Variants in CTNNA3 observed in about 807,000 individuals in gnomAD.
CTNNA3 encodes catenin alpha 3, also known as catenin alpha-3.
In CTNNA3, 76 loss-of-function variants were observed where a neutral mutation model predicts 95.7. The ratio of observed to expected loss-of-function variants is 0.79; its 90% CI spans 0.66 to 0.96. CTNNA3 has a LOEUF of 0.96. Ranked by LOEUF, CTNNA3 falls within the 40% of genes least tolerant of loss-of-function variation. The pLI, the probability that CTNNA3 is intolerant of heterozygous loss-of-function variation, is 0.00. For synonymous variants in CTNNA3, 431 were observed against 374.4 expected, an observed-to-expected ratio of 1.15 and a Z score of -1.74; for missense variants, 1,191 against 1,089.8, an observed-to-expected ratio of 1.09 and a Z score of -1.31.
chr10:67,735,131 A>G (rs1002818218), intron 1 of CTNNA3, among the ~76,000 whole-genome samples: 4 of 115,994 alleles, frequency 3.4e-5, no homozygotes, highest in East Asian at 3.2e-4. Context: ...AAGTGAGCAC[A>G]CACACACACA....
chr10:66,359,927 A>G (rs2092640531), intron 12 of CTNNA3, among the ~76,000 whole-genome samples: 2 of 151,622 alleles, frequency 1.3e-5, no homozygotes, highest in South Asian at 4.2e-4. Context: ...CCCAAGTTCA[A>G]GCTATTCTCC....
chr10:66,008,347 A>C (rs2133384623), intron 15 of CTNNA3, among the ~76,000 whole-genome samples: 1 of 152,354 alleles, frequency 6.6e-6, no homozygotes, highest in East Asian at 1.9e-4. Flanking sequence ...TTTGCCACTT[A>C]ATTGGAAAAA....
At chr10:66,809,757 T>A (rs913094818) in intron 7 of CTNNA3, among the ~76,000 whole-genome samples, 10 of 152,090 alleles carry the variant, frequency 6.6e-5, no homozygotes, top group Non-Finnish European at 1.2e-4. Context: ...TTTAGGAAAA[T>A]GTTTTCTATT....
chr10:67,343,266 A>G (rs1023287683), intron 5 of CTNNA3, among the ~76,000 whole-genome samples: 3 of 152,092 alleles, frequency 2.0e-5, no homozygotes, highest in African/African-American at 7.2e-5. Flanking sequence ...AAATTTTAGG[A>G]TAGTTTTTTT....
chr10:66,838,878 A>G (rs778242632), intron 7 of CTNNA3, among the ~76,000 whole-genome samples: 18 of 152,190 alleles, frequency 1.2e-4, no homozygotes, highest in Non-Finnish European at 2.2e-4. Context: ...TCACTGAACT[A>G]TTTCAGGCTG....
intron 5 of CTNNA3, among the ~76,000 whole-genome samples, chr10:67,356,765 C>A (rs1842824411): frequency 1.3e-5 from 2 of 152,066 alleles, no homozygotes; most frequent in African/African-American, 4.8e-5. Context: ...ATTCCATGGT[C>A]CATCATTACA....
At chr10:66,939,110 C>G (rs1339726173) in intron 7 of CTNNA3, among the ~76,000 whole-genome samples, 4 of 152,120 alleles carry the variant, frequency 2.6e-5, no homozygotes, top group Non-Finnish European at 5.9e-5. Flanking sequence ...TTACGCGTTT[C>G]CAAAGTAACT....
At chr10:66,147,608 G>GTTTTTTTTTTTTTTTT (rs34193216) in intron 13 of CTNNA3, among the ~76,000 whole-genome samples, 2 of 105,766 alleles carry the variant, frequency 1.9e-5, no homozygotes, top group African/African-American at 3.5e-5. Context: ...GTTGCTTTCA[G>GTTTTTTTTTTTTTTTT]TTTTTTTTTT....
chr10:67,074,236 T>TGGCCA (rs1407607741), intron 7 of CTNNA3, among the ~76,000 whole-genome samples: 1 of 151,806 alleles, frequency 6.6e-6, no homozygotes, highest in East Asian at 1.9e-4. Flanking sequence ...TTTCACCATT[T>TGGCCA]GGCCAGGATG....
At chr10:66,776,571 T>A (rs1840309771) in intron 7 of CTNNA3, among the ~76,000 whole-genome samples, 1 of 152,188 alleles carries the variant, frequency 6.6e-6, no homozygotes, top group Non-Finnish European at 1.5e-5. Context: ...ACCTACTTTT[T>A]TACTCTTATG....
intron 7 of CTNNA3, among the ~76,000 whole-genome samples, chr10:66,963,106 A>T (rs1287452431): frequency 2.0e-5 from 3 of 152,144 alleles, no homozygotes; most frequent in African/African-American, 7.2e-5. Flanking sequence ...ATTAACCAAA[A>T]TTATTTTAAA....
chr10:67,483,748 T>A, intron 5 of CTNNA3, among the ~76,000 whole-genome samples: 4 of 129,740 alleles, frequency 3.1e-5, no homozygotes, highest in Admixed American at 7.6e-5. Context: ...CCCTAAAACT[T>A]AAAGTATAAT....
chr10:67,349,368 A>C (rs1048768671), intron 5 of CTNNA3, among the ~76,000 whole-genome samples: 1 of 152,220 alleles, frequency 6.6e-6, no homozygotes, highest in Non-Finnish European at 1.5e-5. Flanking sequence ...AATATTATTC[A>C]GCCTTTAAAA....
intron 14 of CTNNA3, among the ~76,000 whole-genome samples, chr10:66,070,937 GC>G: frequency 6.6e-6 from 1 of 152,232 alleles, no homozygotes; most frequent in Non-Finnish European, 1.5e-5. Flanking sequence ...GCAATAGTTT[GC>G]AAAATTAAAA....
At chr10:67,668,625 A>G (rs1237368856) in intron 1 of CTNNA3, among the ~76,000 whole-genome samples, 1 of 152,168 alleles carries the variant, frequency 6.6e-6, no homozygotes, top group East Asian at 1.9e-4. Context: ...ATACAGCAGG[A>G]CATGCTGGAC....
intron 5 of CTNNA3, among the ~76,000 whole-genome samples, chr10:67,254,208 C>A (rs1866236504): frequency 6.6e-6 from 1 of 151,722 alleles, no homozygotes; most frequent in South Asian, 2.1e-4. Context: ...CCCAAAGTGG[C>A]CCCCGAGACT....
intron 5 of CTNNA3, among the ~76,000 whole-genome samples, chr10:67,405,106 C>T (rs1845086461): frequency 6.6e-6 from 1 of 152,128 alleles, no homozygotes; most frequent in South Asian, 2.1e-4. Flanking sequence ...TACAAAAATA[C>T]ACTGAAGTAT....
At chr10:66,244,428 T>A (rs1026761895) in intron 13 of CTNNA3, among the ~76,000 whole-genome samples, 4 of 152,134 alleles carry the variant, frequency 2.6e-5, no homozygotes. Flanking sequence ...GTAGTTACAG[T>A]GGGCTTTGAG....
chr10:66,532,386 T>G (rs1371882721), intron 10 of CTNNA3, among the ~76,000 whole-genome samples: 1 of 150,946 alleles, frequency 6.6e-6, no homozygotes, highest in Admixed American at 6.6e-5. Flanking sequence ...GGCATGAACC[T>G]GGGAGGCGGA....
Sources: gnomAD v4.1 joint callset for allele counts (sites outside exome capture counted in the v4.1 genomes callset) on GRCh38, gnomAD v4.1.1 for gene constraint, MANE v1.5 for transcripts, NCBI Gene and HGNC (gene_info 2026-07-23, HGNC 2026-07-21) for gene names.